Variants in DMD observed in about 807,000 individuals in gnomAD.
DMD encodes the protein mutant dystrophin.
Under a neutral mutation model 330.1 loss-of-function variants are expected in DMD, and 63 were observed. The observed-to-expected ratio is 0.19, with a 90% confidence interval of 0.16 to 0.24. DMD has a LOEUF of 0.24. DMD is among the 10% of genes least tolerant of loss of function. The pLI, the probability that DMD is intolerant of heterozygous loss-of-function variation, is 1.00. For missense variants in DMD, 3,344 were observed against 2,684.1 expected (o/e 1.25, Z -5.43); for synonymous variants, 1,223 against 959.8 (o/e 1.27, Z -5.07).
chrX:32,495,781 T>TA (rs67709502), intron 19 of DMD, among the ~76,000 whole-genome samples: 7,236 of 111,740 alleles, frequency 0.065, 323 homozygotes, highest in East Asian at 0.14. Context: ...TTAACTTTTC[T>TA]AAGAGTTTGT....
At chrX:33,194,458 T>A (rs2050818327) in intron 1 of DMD, among the ~76,000 whole-genome samples, 1 of 110,877 alleles carries the variant, frequency 9.0e-6, no homozygotes, top group African/African-American at 3.3e-5. Context: ...AATACAATAA[T>A]ATACACTTTC....
chrX:32,252,784 A>G (rs1368962408), intron 43 of DMD, among the ~76,000 whole-genome samples: 5 of 44,448 alleles, frequency 1.1e-4, no homozygotes, highest in African/African-American at 7.3e-4. Flanking sequence ...ATATATATAA[A>G]TATATATAAA....
At chrX:32,475,153 A>G (rs543536807) in intron 21 of DMD, among the ~76,000 whole-genome samples, 5 of 110,853 alleles carry the variant, frequency 4.5e-5, no homozygotes, top group African/African-American at 1.6e-4. Flanking sequence ...TTTGTTGAAG[A>G]TCAGTTTGTG....
chrX:31,507,303 G>C lies in DMD; in HGVS notation c.8368C>G (p.Arg2790Gly), dbSNP rs398124069. 8.3e-7 allele frequency: 1 copy of C among 1,211,230 alleles called. No homozygotes were observed. Among genetic ancestry groups the C allele is most frequent in the Admixed American group, 2.2e-5 (1 of 45,983 alleles). The change falls in exon 56 of 79, where the codon CGG (arginine) becomes GGG (glycine). Residue 2790 changes from arginine to glycine, a missense_variant. By Grantham distance (125) the Arg-to-Gly change is moderately radical. Transcript: ENST00000357033. ...TACCTAATGTTGAGAGACTTTTTCC[G>C]AAGTTCACTCCACTTGAAGTTCATG... Reference protein sequence around the residue: ...DNMNFKWSELRKKSLNIRSHL... With the variant: ...DNMNFKWSELGKKSLNIRSHL...
chrX:31,972,764 A>G (rs975846633), intron 44 of DMD, among the ~76,000 whole-genome samples: 1 of 111,862 alleles, frequency 8.9e-6, no homozygotes, highest in African/African-American at 3.2e-5. Flanking sequence ...AACCGAGTTT[A>G]CTGATTGGTC....
At chrX:33,212,370 C>T (rs902219811), upstream of DMD, among the ~76,000 whole-genome samples, 2 of 111,949 alleles carry the variant, frequency 1.8e-5, no homozygotes, top group African/African-American at 6.5e-5. Flanking sequence ...TTATGTCATT[C>T]AGCATGTAAA....
chrX:32,559,381 A>G (rs1458562795), intron 16 of DMD, among the ~76,000 whole-genome samples: 9 of 112,218 alleles, frequency 8.0e-5, no homozygotes, highest in Non-Finnish European at 1.1e-4. Context: ...TTTTTATTTT[A>G]ATTCCAGATT....
At chrX:31,617,605 A>G (rs2078284536) in intron 55 of DMD, among the ~76,000 whole-genome samples, 1 of 109,905 alleles carries the variant, frequency 9.1e-6, no homozygotes, top group South Asian at 3.9e-4. Context: ...AGAAAGGGGA[A>G]TGCTTATACC....
chrX:33,196,342 G>A (rs898272246), intron 1 of DMD, among the ~76,000 whole-genome samples: 5 of 111,462 alleles, frequency 4.5e-5, no homozygotes, highest in Non-Finnish European at 7.5e-5. Flanking sequence ...ATGCCATACT[G>A]TGAAAGACCT....
intron 44 of DMD, among the ~76,000 whole-genome samples, chrX:32,006,816 C>A (rs993723721): frequency 9.1e-6 from 1 of 109,594 alleles, no homozygotes; most frequent in Non-Finnish European, 1.9e-5. Context: ...TGGAACCAAC[C>A]CAAATGTCCA....
intron 25 of DMD, among the ~76,000 whole-genome samples, chrX:32,455,541 G>A (rs2098353785): frequency 9.0e-6 from 1 of 111,175 alleles, no homozygotes; most frequent in Non-Finnish European, 1.9e-5. Flanking sequence ...TAGATAGTAA[G>A]ATGGCAAAAC....
At chrX:32,101,528 A>T (rs2096539663) in intron 44 of DMD, among the ~76,000 whole-genome samples, 1 of 112,046 alleles carries the variant, frequency 8.9e-6, no homozygotes, top group Non-Finnish European at 1.9e-5. Context: ...AGAATTTCAC[A>T]TAAACTATGA....
At chrX:32,692,455 A>G (rs1398536871) in intron 9 of DMD, among the ~76,000 whole-genome samples, 1 of 111,640 alleles carries the variant, frequency 9.0e-6, no homozygotes, top group African/African-American at 3.3e-5. Flanking sequence ...ATTACTTTCT[A>G]CAATATGTGG....
At chrX:32,526,351 C>T (rs750559452) in intron 17 of DMD, among the ~76,000 whole-genome samples, 27 of 111,463 alleles carry the variant, frequency 2.4e-4, no homozygotes, top group Non-Finnish European at 4.5e-4. Context: ...TTCTCCTTTA[C>T]AAATATACTC....
intron 1 of DMD, among the ~76,000 whole-genome samples, chrX:33,052,845 T>C (rs1227393943): frequency 3.0e-5 from 3 of 99,042 alleles, no homozygotes; most frequent in Non-Finnish European, 6.4e-5. Context: ...AAAGGATAAA[T>C]GCTTAAGGTA....
At chrX:32,658,359 G>A (rs1244267524) in intron 9 of DMD, among the ~76,000 whole-genome samples, 1 of 110,759 alleles carries the variant, frequency 9.0e-6, no homozygotes, top group Non-Finnish European at 1.9e-5. Context: ...GCTTTTTTCT[G>A]TAAAGGGCTA....
intron 60 of DMD, among the ~76,000 whole-genome samples, chrX:31,361,905 G>T (rs2058960529): frequency 9.0e-6 from 1 of 110,501 alleles, no homozygotes; most frequent in African/African-American, 3.3e-5. Flanking sequence ...GAGTACCCGG[G>T]ATTACAGGCA....
intron 4 of DMD, among the ~76,000 whole-genome samples, chrX:32,842,544 C>A (rs988532474): frequency 9.0e-6 from 1 of 110,660 alleles, no homozygotes; most frequent in Admixed American, 9.5e-5. Flanking sequence ...AGACCCCCCC[C>A]ATACACCCTT....
chrX:32,762,221 G>T (rs1188397484), intron 7 of DMD, among the ~76,000 whole-genome samples: 2 of 110,024 alleles, frequency 1.8e-5, no homozygotes, highest in South Asian at 4.0e-4. Flanking sequence ...TAGCTCTCCT[G>T]CAGGAGAGTG....
Sources: gnomAD v4.1 joint callset for allele counts (sites outside exome capture counted in the v4.1 genomes callset) on GRCh38, gnomAD v4.1.1 for gene constraint, MANE v1.5 for transcripts, NCBI Gene and HGNC (gene_info 2026-07-23, HGNC 2026-07-21) for gene names.